CTIF: variants seen among roughly 807,000 people sequenced by gnomAD.
CTIF encodes the protein cap binding complex dependent translation initiation factor.
In CTIF, 21 loss-of-function variants were observed where a neutral mutation model predicts 66.0. The observed-to-expected ratio is 0.32, with a 90% CI of 0.23 to 0.46. The LOEUF is 0.46. Ranked by LOEUF, CTIF falls within the 20% of genes least tolerant of loss-of-function variation. The pLI is 1.00. For synonymous variants in CTIF, 345 were observed against 326.4 expected, an observed-to-expected ratio of 1.06 and a Z score of -0.62; for missense variants, 739 against 812.7, an observed-to-expected ratio of 0.91 and a Z score of 1.10.
chr18:48,621,927 G>A (rs1048073467), intron 2 of CTIF, among the ~76,000 whole-genome samples: 13 of 152,236 alleles, frequency 8.5e-5, no homozygotes, highest in Non-Finnish European at 1.5e-4. Flanking sequence ...GCCCCCAGCG[G>A]TTCATCCACA....
chr18:48,853,639 G>C (rs1230064693), intron 10 of CTIF, among the ~76,000 whole-genome samples: 1 of 152,200 alleles, frequency 6.6e-6, no homozygotes, highest in Non-Finnish European at 1.5e-5. Flanking sequence ...AAGTTACCAA[G>C]GAGAATGAGG....
intron 6 of CTIF, among the ~76,000 whole-genome samples, chr18:48,690,218 G>T (rs1045993267): frequency 5.9e-5 from 9 of 151,920 alleles, no homozygotes; most frequent in Non-Finnish European, 1.3e-4. Context: ...TTTTATTTGG[G>T]CGTTTACAGA....
rs73956949 is a variant in CTIF at position 48,608,346 on chromosome 18, G to A, written c.-28-11192G>A. Reference sequence around the variant, plus strand: ...ATGTGAAATATTTTGATTTATAAACGTTAGCTCAAATATTTTTAAAATATC... The same window carrying A: ...ATGTGAAATATTTTGATTTATAAACATTAGCTCAAATATTTTTAAAATATC... On this transcript the variant is annotated intron_variant, in intron 1 of 11. Coordinates refer to ENST00000256413, the MANE Select transcript of CTIF (RefSeq NM_014772.3). Among the ~76,000 whole-genome samples, 1,298 of 152,264 alleles carry A rather than the reference G, an allele frequency of 8.5e-3. 24 individuals carry two copies. The highest frequency in any genetic ancestry group is 0.03 in the African/African-American group (1,226 of 41,530).
At chr18:48,737,273 C>A (rs1309352232) in intron 7 of CTIF, among the ~76,000 whole-genome samples, 3 of 152,198 alleles carry the variant, frequency 2.0e-5, no homozygotes, top group Admixed American at 2.0e-4. Context: ...CAAGGTGGGA[C>A]CCTTGCCATT....
intron 9 of CTIF, among the ~76,000 whole-genome samples, chr18:48,783,013 A>G (rs150035653): frequency 6.6e-6 from 1 of 152,142 alleles, no homozygotes; most frequent in African/African-American, 2.4e-5. Context: ...CAGATTACAG[A>G]TGTTTTTCTC....
At chr18:48,621,175 T>C (rs2144429924) in intron 2 of CTIF, among the ~76,000 whole-genome samples, 1 of 151,786 alleles carries the variant, frequency 6.6e-6, no homozygotes, top group Admixed American at 6.6e-5. Flanking sequence ...ATTCTACTCG[T>C]GGATGATCAT....
chr18:48,715,608 CCTG>C (rs2092273790), intron 7 of CTIF, among the ~76,000 whole-genome samples: 1 of 152,108 alleles, frequency 6.6e-6, no homozygotes, highest in Admixed American at 6.5e-5. Flanking sequence ...CCAAGTTGAC[CCTG>C]AGTGAGGTCC....
chr18:48,669,800 TATATATATATATATA>T (rs2091496486), intron 5 of CTIF, among the ~76,000 whole-genome samples: 2 of 64,142 alleles, frequency 3.1e-5, no homozygotes, highest in African/African-American at 1.5e-4. Flanking sequence ...CATTTATATA[TATATATATATATATA>T]TATATATATA....
chr18:48,668,918 C>G (rs2091478922), intron 5 of CTIF, among the ~76,000 whole-genome samples: 1 of 152,096 alleles, frequency 6.6e-6, no homozygotes, highest in Non-Finnish European at 1.5e-5. Flanking sequence ...GTCCCAGACC[C>G]TGTCCAGAGC....
chr18:48,680,423 CACAG>C (rs768315307), intron 6 of CTIF, among the ~76,000 whole-genome samples: 71 of 152,386 alleles, frequency 4.7e-4, no homozygotes, highest in Non-Finnish European at 7.8e-4. Flanking sequence ...AAGGCCATCA[CACAG>C]ACAAAGAGCT....
intron 10 of CTIF, among the ~76,000 whole-genome samples, chr18:48,821,199 G>A (rs894678201): frequency 6.6e-6 from 1 of 152,188 alleles, no homozygotes; most frequent in African/African-American, 2.4e-5. Flanking sequence ...AAGGGACCTG[G>A]AAGTGTCCTC....
chr18:48,558,769 C>T (rs2089080955), intron 1 of CTIF, among the ~76,000 whole-genome samples: 2 of 152,176 alleles, frequency 1.3e-5, no homozygotes, highest in Non-Finnish European at 2.9e-5. Flanking sequence ...AGCACAGTGA[C>T]AGTTGATATA....
chr18:48,698,644 A>G (rs1374100961), intron 6 of CTIF, among the ~76,000 whole-genome samples: 1 of 152,174 alleles, frequency 6.6e-6, no homozygotes, highest in Non-Finnish European at 1.5e-5. Context: ...GGAATACCCT[A>G]TTTGTTTTCT....
At chr18:48,634,233 C>T (rs934540317) in intron 2 of CTIF, among the ~76,000 whole-genome samples, 1 of 152,086 alleles carries the variant, frequency 6.6e-6, no homozygotes, top group Non-Finnish European at 1.5e-5. Flanking sequence ...GTGCCCGTCT[C>T]GATGCACCAC....
At chr18:48,577,603 C>T (rs984873120) in intron 1 of CTIF, among the ~76,000 whole-genome samples, 16 of 152,006 alleles carry the variant, frequency 1.1e-4, no homozygotes, top group East Asian at 5.8e-4. Context: ...GAGATAGTCT[C>T]GCTTTGTCAC....
chr18:48,609,932 A>C (rs780909257), intron 1 of CTIF, among the ~76,000 whole-genome samples: 1 of 152,126 alleles, frequency 6.6e-6, no homozygotes, highest in African/African-American at 2.4e-5. Context: ...AACTCCCAGC[A>C]TCCATTGGCT....
At position 48,859,754 on chromosome 18, in the gene CTIF, C is replaced by T. The variant is rs1014192511; in HGVS notation, c.*195C>T. The T allele has an allele frequency of 5.7e-6, 4 of 699,392 alleles. No homozygotes were observed. The highest frequency in any genetic ancestry group is 3.5e-5 in the African/African-American group (2 of 57,172). 43.3% of individuals were successfully genotyped at this position (699,392 alleles called of 1,614,324 possible). ...GAGAGGAGTGCCCCCGCACAAGCCC[C>T]CCAGCCCGAGCATGCAAGCTCACAC... On this transcript the variant is annotated 3_prime_UTR_variant, in exon 12 of 12. Transcript: ENST00000256413.
intron 9 of CTIF, among the ~76,000 whole-genome samples, chr18:48,781,832 C>G (rs896976466): frequency 2.6e-5 from 4 of 152,160 alleles, no homozygotes; most frequent in African/African-American, 9.7e-5. Flanking sequence ...GATACTTCCC[C>G]TAATATTTCT....
chr18:48,617,083 G>A (rs533696718), intron 1 of CTIF, among the ~76,000 whole-genome samples: 181 of 152,338 alleles, frequency 1.2e-3, no homozygotes, highest in African/African-American at 4.2e-3. Context: ...GGCTCTGGGG[G>A]AAAAGTCTGC....
Sources: allele counts gnomAD v4.1 joint callset (sites outside exome capture counted in the v4.1 genomes callset), GRCh38; gene constraint gnomAD v4.1.1; transcripts MANE v1.5; gene names NCBI Gene and HGNC (gene_info 2026-07-23, HGNC 2026-07-21).